HDAC9: variants seen among roughly 807,000 people sequenced by gnomAD.
The protein encoded by HDAC9 is MEF-2 interacting transcription repressor (MITR) protein.
In HDAC9, 41 loss-of-function variants were observed where a neutral mutation model predicts 139.4. That is an observed-to-expected ratio of 0.29 (90% CI 0.23 to 0.38). HDAC9 has a LOEUF of 0.38. Among genes scored for constraint, HDAC9 ranks in the 10% least tolerant of loss-of-function variants. HDAC9 has a pLI of 1.00. For missense variants in HDAC9, 1,147 were observed against 1,297.0 expected (o/e 0.88, Z 1.78); for synonymous variants, 517 against 476.2 (o/e 1.09, Z -1.12).
At chr7:18,967,251 C>T (rs1411644445) in intron 24 of HDAC9, among the ~76,000 whole-genome samples, 1 of 152,156 alleles carries the variant, frequency 6.6e-6, no homozygotes, top group Non-Finnish European at 1.5e-5. Context: ...TGAAGCATTA[C>T]TTTTTATTTA....
chr7:18,975,662 T>TAACA, intron 24 of HDAC9, 144 bp from the exon 25 acceptor site: 2 of 741,582 alleles, frequency 2.7e-6, no homozygotes, highest in Non-Finnish European at 4.4e-6. Context: ...GACCCAATCA[T>TAACA]AACAGTTAAG....
At chr7:18,800,502 T>A (rs1793195929) in intron 17 of HDAC9, among the ~76,000 whole-genome samples, 1 of 152,236 alleles carries the variant, frequency 6.6e-6, no homozygotes, top group Non-Finnish European at 1.5e-5. Context: ...TTTACATTTA[T>A]TTATACTTTC....
At chr7:18,425,057 A>G (rs1446882011) in intron 1 of HDAC9, among the ~76,000 whole-genome samples, 1 of 152,086 alleles carries the variant, frequency 6.6e-6, no homozygotes, top group Non-Finnish European at 1.5e-5. Context: ...ATATGAAAAT[A>G]TTTTTATTAT....
chr7:18,372,208 C>G (rs1227107443), intron 1 of HDAC9, among the ~76,000 whole-genome samples: 1 of 152,214 alleles, frequency 6.6e-6, no homozygotes, highest in Non-Finnish European at 1.5e-5. Context: ...TTCAAAGCCA[C>G]TGAGCTAGGC....
chr7:18,143,182 A>G (rs1786039272), intron 1 of HDAC9, among the ~76,000 whole-genome samples: 2 of 152,236 alleles, frequency 1.3e-5, no homozygotes, highest in Admixed American at 6.5e-5. Context: ...TGTCAAATTA[A>G]TAAATCTCTA....
intron 24 of HDAC9, among the ~76,000 whole-genome samples, chr7:18,974,924 T>C (rs891318787): frequency 6.6e-6 from 1 of 152,178 alleles, no homozygotes; most frequent in Admixed American, 6.5e-5. Flanking sequence ...TTCCAAGAAG[T>C]AAGCAAACAC....
chr7:18,264,954 C>T (rs1562811087), intron 2 of HDAC9, among the ~76,000 whole-genome samples: 1 of 151,938 alleles, frequency 6.6e-6, no homozygotes, highest in Non-Finnish European at 1.5e-5. Flanking sequence ...TTATTATAGG[C>T]TTTAGTGCCA....
At chr7:18,986,561 T>A (rs1207270327) in intron 25 of HDAC9, among the ~76,000 whole-genome samples, 1 of 137,818 alleles carries the variant, frequency 7.3e-6, no homozygotes, top group East Asian at 2.1e-4. Flanking sequence ...CGGGCTCTTT[T>A]TTGGTTCCAT....
chr7:18,663,978 A>C (rs1211370214), intron 11 of HDAC9, among the ~76,000 whole-genome samples: 1 of 152,166 alleles, frequency 6.6e-6, no homozygotes, highest in East Asian at 1.9e-4. Context: ...CTGGCATCCC[A>C]GCCAAAACTA....
chr7:18,336,737 A>G (rs568321020), intron 1 of HDAC9, among the ~76,000 whole-genome samples: 8 of 151,612 alleles, frequency 5.3e-5, no homozygotes, highest in African/African-American at 1.2e-4. Flanking sequence ...TTCCTTGTCT[A>G]TATTCTTTTG....
At chr7:18,762,079 C>T in intron 14 of HDAC9, 78 bp from the exon 15 acceptor site, 1 of 1,484,296 alleles carries the variant, frequency 6.7e-7, no homozygotes, top group South Asian at 1.2e-5. Flanking sequence ...TATTAATCAT[C>T]TTAAATGTGA....
intron 23 of HDAC9, among the ~76,000 whole-genome samples, chr7:18,940,384 G>A (rs1585363669): frequency 6.6e-6 from 1 of 152,136 alleles, no homozygotes; most frequent in African/African-American, 2.4e-5. Context: ...GCATGGTACA[G>A]GAAATTCCTG....
intron 1 of HDAC9, among the ~76,000 whole-genome samples, chr7:18,093,877 A>ATTT (rs1782329832): frequency 6.6e-6 from 1 of 152,112 alleles, no homozygotes; most frequent in African/African-American, 2.4e-5. Context: ...ATGTACTTAA[A>ATTT]TATCTTCTTT....
intron 12 of HDAC9, among the ~76,000 whole-genome samples, chr7:18,698,579 T>G (rs1002581590): frequency 1.3e-5 from 2 of 152,206 alleles, no homozygotes; most frequent in Non-Finnish European, 2.9e-5. Context: ...TCTAAATGGC[T>G]TTATGGTATC....
intron 6 of HDAC9, among the ~76,000 whole-genome samples, chr7:18,608,429 A>G (rs997575997): frequency 1.1e-4 from 17 of 151,962 alleles, no homozygotes; most frequent in Admixed American, 1.1e-3. Context: ...TTATAGATTT[A>G]TTTGCTTTTT....
intron 22 of HDAC9, among the ~76,000 whole-genome samples, chr7:18,922,332 C>G (rs1803830167): frequency 6.6e-6 from 1 of 151,760 alleles, no homozygotes; most frequent in Non-Finnish European, 1.5e-5. Context: ...TATAATTAAA[C>G]CTATTATTTA....
At chr7:18,144,473 C>T (rs1267077543) in intron 1 of HDAC9, among the ~76,000 whole-genome samples, 1 of 152,194 alleles carries the variant, frequency 6.6e-6, no homozygotes, top group African/African-American at 2.4e-5. Context: ...TCTGGTTCAA[C>T]CCCACTCCTA....
intron 2 of HDAC9, among the ~76,000 whole-genome samples, chr7:18,228,200 T>G (rs1487300389): frequency 6.6e-6 from 1 of 152,126 alleles, no homozygotes; most frequent in Non-Finnish European, 1.5e-5. Context: ...AGGGGGTTGT[T>G]TAATACTCCA....
At chr7:18,663,125 T>C (rs796255967) in intron 11 of HDAC9, among the ~76,000 whole-genome samples, 10 of 152,028 alleles carry the variant, frequency 6.6e-5, no homozygotes, top group African/African-American at 2.4e-4. Context: ...TGAGGAATGG[T>C]TGGAGTCAGA....
Sources: allele counts gnomAD v4.1 joint callset (sites outside exome capture counted in the v4.1 genomes callset), GRCh38; gene constraint gnomAD v4.1.1; transcripts MANE v1.5; gene names NCBI Gene and HGNC (gene_info 2026-07-23, HGNC 2026-07-21).